Variants in FBLN2 observed in about 807,000 individuals in gnomAD.
FBLN2 encodes fibulin 2.
A neutral mutation model predicts 123.7 loss-of-function variants in FBLN2; 81 were observed. The ratio of observed to expected loss-of-function variants is 0.65; its 90% CI spans 0.55 to 0.79. The LOEUF (loss-of-function observed/expected upper bound fraction) is 0.79. Among genes scored for constraint, FBLN2 ranks in the 30% least tolerant of loss-of-function variants. The pLI, the probability that FBLN2 is intolerant of heterozygous loss-of-function variation, is 0.00. For missense variants in FBLN2, 1,603 were observed against 1,681.3 expected, an observed-to-expected ratio of 0.95 and a Z score of 0.81; for synonymous variants, 699 against 701.4, an observed-to-expected ratio of 1.00 and a Z score of 0.05.
intron 2 of FBLN2, among the ~76,000 whole-genome samples, chr3:13,601,420 A>G (rs1464953319): frequency 1.3e-5 from 2 of 152,230 alleles, no homozygotes; most frequent in Admixed American, 1.3e-4. Context: ...GGGACGAGAC[A>G]TTGAATGGTG....
At chr3:13,587,360 A>G (rs1027648795) in intron 2 of FBLN2, among the ~76,000 whole-genome samples, 4 of 152,166 alleles carry the variant, frequency 2.6e-5, no homozygotes, top group African/African-American at 9.7e-5. Context: ...AAATATTTTA[A>G]ACTAAATTTA....
rs1191016806 is a variant in FBLN2 at position 13,608,101 on chromosome 3, G to C, written c.1346G>C (p.Gly449Ala). The change falls in exon 3 of 18, where the codon GGA becomes GCA. Residue 449 changes from glycine to alanine, a missense_variant. Gly to Ala is a moderately conservative substitution (Grantham distance 60). Coordinates refer to ENST00000404922, the MANE Select transcript of FBLN2 (RefSeq NM_001004019.2). ...KDLIETCCAA[G>A]QQWAIDNDEC... Reference sequence around the variant, plus strand: ...CTGATCGAGACTTGCTGCGCAGCCGGACAGCAGTGGGCCATTGACAATGAC... The same window carrying C: ...CTGATCGAGACTTGCTGCGCAGCCGCACAGCAGTGGGCCATTGACAATGAC... 6.3e-7 allele frequency: 1 copy of C among 1,596,388 alleles called. No homozygotes were observed. The highest frequency in any genetic ancestry group is 1.7e-5 in the Admixed American group (1 of 57,798).
intron 4 of FBLN2, 28 bp downstream of exon 4, chr3:13,609,670 AGGGTGGGGTGGGGCG>A: frequency 1.4e-5 from 1 of 71,448 alleles, no homozygotes; most frequent in Non-Finnish European, 2.7e-5. Context: ...CCTTCAAGGC[AGGGTGGGGTGGGGCG>A]GGGCGGGAGG....
chr3:13,568,052 C>G (rs1703801866), intron 1 of FBLN2, among the ~76,000 whole-genome samples: 1 of 152,084 alleles, frequency 6.6e-6, no homozygotes, highest in African/African-American at 2.4e-5. Flanking sequence ...GAGTAAAGGC[C>G]CTGATTCTCC....
At chr3:13,549,764 G>A (rs1174866735) in intron 1 of FBLN2, among the ~76,000 whole-genome samples, 2 of 151,734 alleles carry the variant, frequency 1.3e-5, no homozygotes, top group East Asian at 3.9e-4. Flanking sequence ...CGCCCACCCT[G>A]CCTGTCACCA....
chr3:13,633,292 G>C (rs949473637), intron 16 of FBLN2, among the ~76,000 whole-genome samples: 2 of 152,266 alleles, frequency 1.3e-5, no homozygotes, highest in African/African-American at 4.8e-5. Context: ...TGGGGTGGCT[G>C]CTCCTCTGCC....
chr3:13,598,301 G>C (rs1367239822), intron 2 of FBLN2, among the ~76,000 whole-genome samples: 1 of 152,210 alleles, frequency 6.6e-6, no homozygotes, highest in African/African-American at 2.4e-5. Flanking sequence ...TGAAATTTGG[G>C]TGGGGAGAGT....
intron 9 of FBLN2, among the ~76,000 whole-genome samples, chr3:13,623,927 A>G (rs1452208730): frequency 6.6e-6 from 1 of 152,250 alleles, no homozygotes; most frequent in Admixed American, 6.5e-5. Context: ...TAAGCTCCCC[A>G]TCACTGGAGG....
chr3:13,608,320 T>C, intron 3 of FBLN2, 147 bp downstream of exon 3: 1 of 638,572 alleles, frequency 1.6e-6, no homozygotes, highest in Non-Finnish European at 2.7e-6. Flanking sequence ...GTGGCTGCCG[T>C]GCGCCATCTG....
chr3:13,576,729 C>CCCG (rs1553617770), intron 2 of FBLN2, among the ~76,000 whole-genome samples: 1 of 151,900 alleles, frequency 6.6e-6, no homozygotes, highest in African/African-American at 2.4e-5. Flanking sequence ...ATCCCCCCCC[C>CCCG]CCGGGTTCAC....
intron 9 of FBLN2, 57 bp downstream of exon 9, chr3:13,621,972 C>G: frequency 6.3e-7 from 1 of 1,580,430 alleles, no homozygotes; most frequent in Non-Finnish European, 8.6e-7. Context: ...TGCTCCACGC[C>G]AAGCCCACCA....
At position 13,619,697 on chromosome 3, in the gene FBLN2, G is replaced by C. The variant is rs747277754; in HGVS notation, c.2054-33G>C. 3.1e-6 allele frequency: 5 copies of C among 1,588,750 alleles called. No individual in the cohort carries two copies. The South Asian group carries it at 3.3e-5, about 11-fold the overall frequency. On this transcript the variant is annotated intron_variant, in intron 7 of 17. Coordinates refer to ENST00000404922, the MANE Select transcript of FBLN2 (RefSeq NM_001004019.2). Reference sequence around the variant, plus strand: ...CCAGTGTGGACCAAGGCCAGGGCCTGGTGGTCTCTGATTTCTGTGTGGTTT... The same window carrying C: ...CCAGTGTGGACCAAGGCCAGGGCCTCGTGGTCTCTGATTTCTGTGTGGTTT...
chr3:13,549,136 G>C lies in FBLN2; in HGVS notation c.-114G>C. ...GCCCCGCCCCGCGCGCACACAGCCA[G>C]GGGCCGCCCGGGCTCTCGACGCGCC... is the stretch of plus-strand genomic sequence containing the variant. On this transcript the variant is annotated 5_prime_UTR_variant, in exon 1 of 18. Transcript: ENST00000404922. 1 of 982,896 alleles carries C rather than the reference G, an allele frequency of 1.0e-6. No homozygotes were observed. Among genetic ancestry groups the C allele is most frequent in the Non-Finnish European group, 1.2e-6 (1 of 828,994 alleles). The allele number at this position is 982,896 out of a possible 1,614,324, so 60.9% of individuals were successfully genotyped here.
chr3:13,622,507 CT>C (rs769321187), intron 9 of FBLN2, among the ~76,000 whole-genome samples: 1 of 152,222 alleles, frequency 6.6e-6, no homozygotes. Flanking sequence ...CGCATACCAG[CT>C]TGGCGTTCCT....
At chr3:13,621,735 C>CT in intron 8 of FBLN2, 40 bp from the exon 9 acceptor site, 2 of 1,611,538 alleles carry the variant, frequency 1.2e-6, no homozygotes, top group Non-Finnish European at 1.7e-6. Flanking sequence ...CCATGTCCCT[C>CT]TAACAGTCCT....
chr3:13,637,743 G>A lies in FBLN2; in HGVS notation c.3520G>A (p.Glu1174Lys). ...CCTGAACATCATCAAGGGCAATGAGGAGGGCTACTTTGGCACGCGCAGGCT... is the reference window on the plus strand; with the variant it reads ...CCTGAACATCATCAAGGGCAATGAGAAGGGCTACTTTGGCACGCGCAGGCT... The part of the protein sequence containing the change: ...IALNIIKGNE[E>K]GYFGTRRLNA... Residue 1174 changes from glutamate (E) to lysine (K), a missense_variant, in exon 18 of 18, where the codon GAG becomes AAG. Transcript: ENST00000404922. The A allele has an allele frequency of 6.2e-7, 1 of 1,614,012 alleles. No homozygotes were observed. The highest frequency in any genetic ancestry group is 1.7e-5 in the Admixed American group (1 of 60,028).
chr3:13,614,982 A>G (rs1321028895), intron 5 of FBLN2, among the ~76,000 whole-genome samples: 1 of 117,854 alleles, frequency 8.5e-6, no homozygotes, highest in African/African-American at 5.4e-5. Flanking sequence ...TTATCCATCC[A>G]TCCATCCATC....
Position 13,638,266 on chromosome 3 carries a change from T to G in FBLN2, c.*347T>G. The G allele has an allele frequency of 1.9e-6, 1 of 522,192 alleles. No homozygotes were observed. The highest frequency in any genetic ancestry group is 4.6e-5 in the East Asian group (1 of 21,800). 32.3% of individuals were successfully genotyped at this position (522,192 alleles called of 1,614,324 possible). A position where few individuals can be genotyped will look rare whatever the true frequency, so the allele number is the denominator to read the frequency against. ...CCGTCCCCAAAGTTGACATTCCATT[T>G]CATGTTCCACTGTGATTAATTCTTT... On this transcript the variant is annotated 3_prime_UTR_variant, in exon 18 of 18. Transcript: ENST00000404922.
intron 2 of FBLN2, among the ~76,000 whole-genome samples, chr3:13,588,941 ACAT>A (rs1421746168): frequency 6.6e-6 from 1 of 152,226 alleles, no homozygotes; most frequent in African/African-American, 2.4e-5. Flanking sequence ...GTAACACAAA[ACAT>A]CATTCTAAGA....
Sources: allele counts gnomAD v4.1 joint callset (sites outside exome capture counted in the v4.1 genomes callset), GRCh38; gene constraint gnomAD v4.1.1; transcripts MANE v1.5; gene names NCBI Gene and HGNC (gene_info 2026-07-23, HGNC 2026-07-21).